KIAA0825: variants seen among roughly 807,000 people sequenced by gnomAD.
KIAA0825 encodes the protein uncharacterized protein KIAA0825.
A neutral mutation model predicts 147.6 loss-of-function variants in KIAA0825; 119 were observed. The observed-to-expected ratio is 0.81, with a 90% CI of 0.69 to 0.94. KIAA0825 has a LOEUF of 0.94. Ranked by LOEUF, KIAA0825 falls within the 40% of genes least tolerant of loss-of-function variation. The probability of loss-of-function intolerance (pLI) is 0.00; values close to 1 mark genes in which losing one functional copy is unlikely to be tolerated. For synonymous variants in KIAA0825, 470 were observed against 518.1 expected (o/e 0.91, Z 1.26); for missense variants, 1,381 against 1,472.7 (o/e 0.94, Z 1.02).
intron 2 of KIAA0825, among the ~76,000 whole-genome samples, chr5:94,574,543 C>CAAAACAAAA (rs1780615127): frequency 1.5e-5 from 1 of 65,530 alleles, no homozygotes; most frequent in Non-Finnish European, 2.6e-5. Flanking sequence ...GACTCCATCT[C>CAAAACAAAA]AAAAAAAAAA....
At chr5:94,430,386 ACTT>A (rs1755507222) in intron 14 of KIAA0825, among the ~76,000 whole-genome samples, 1 of 152,196 alleles carries the variant, frequency 6.6e-6, no homozygotes, top group Non-Finnish European at 1.5e-5. Flanking sequence ...GAAGAATATT[ACTT>A]CTTATTTCAA....
intron 20 of KIAA0825, among the ~76,000 whole-genome samples, chr5:94,188,245 A>G (rs970445924): frequency 1.3e-5 from 2 of 152,230 alleles, no homozygotes; most frequent in African/African-American, 4.8e-5. Context: ...TTAAGACAGT[A>G]CACCAGAAAA....
At chr5:94,597,147 T>A (rs1785454742) in intron 1 of KIAA0825, among the ~76,000 whole-genome samples, 1 of 152,196 alleles carries the variant, frequency 6.6e-6, no homozygotes, top group Admixed American at 6.5e-5. Context: ...GGCATCCTTT[T>A]CTTGTGCCAG....
At chr5:94,211,542 T>C (rs1353175935) in intron 20 of KIAA0825, among the ~76,000 whole-genome samples, 1 of 151,976 alleles carries the variant, frequency 6.6e-6, no homozygotes, top group Non-Finnish European at 1.5e-5. Context: ...CAAGGCCTTA[T>C]TTGCCCCCAT....
chr5:94,325,962 C>T (rs1780643813), intron 20 of KIAA0825, among the ~76,000 whole-genome samples: 1 of 151,618 alleles, frequency 6.6e-6, no homozygotes, highest in Non-Finnish European at 1.5e-5. Context: ...CAGAACATAA[C>T]AAAGGTAATA....
chr5:94,233,539 T>A (rs1323491571), intron 20 of KIAA0825, among the ~76,000 whole-genome samples: 5 of 152,194 alleles, frequency 3.3e-5, no homozygotes, highest in Admixed American at 2.6e-4. Context: ...GAAATACCTA[T>A]TTTTTTGAAA....
chr5:94,227,291 G>A (rs1354777518), intron 20 of KIAA0825, among the ~76,000 whole-genome samples: 19 of 151,480 alleles, frequency 1.3e-4, no homozygotes, highest in African/African-American at 2.7e-4. Context: ...GTAAACTATC[G>A]CAAGAACAAA....
intron 1 of KIAA0825, among the ~76,000 whole-genome samples, chr5:94,600,160 T>A (rs1321997130): frequency 4.6e-5 from 7 of 152,130 alleles, no homozygotes; most frequent in Admixed American, 4.6e-4. Flanking sequence ...AATCTGTAGA[T>A]TAATTTGGGG....
chr5:94,368,793 A>G (rs959871541), intron 20 of KIAA0825, among the ~76,000 whole-genome samples: 6 of 152,206 alleles, frequency 3.9e-5, no homozygotes, highest in African/African-American at 1.2e-4. Context: ...GAAATCACAC[A>G]ACTCTGAAGA....
chr5:94,591,706 G>A (rs982381225), intron 1 of KIAA0825, among the ~76,000 whole-genome samples: 1 of 152,142 alleles, frequency 6.6e-6, no homozygotes, highest in Non-Finnish European at 1.5e-5. Context: ...GACTGTATTA[G>A]TGCATTTTCA....
At chr5:94,340,924 G>C (rs2150327978) in intron 20 of KIAA0825, among the ~76,000 whole-genome samples, 1 of 152,290 alleles carries the variant, frequency 6.6e-6, no homozygotes, top group African/African-American at 2.4e-5. Context: ...AATTCAGTAG[G>C]AGAAAGAACA....
Position 94,332,016 on chromosome 5 carries a change from C to T in KIAA0825, c.3710+52352G>A, listed in dbSNP as rs184797960. Among the ~76,000 whole-genome samples, 35 of 151,592 alleles carry T rather than the reference C, an allele frequency of 2.3e-4. No individual in the cohort carries two copies. The South Asian group carries it at 4.0e-3, about 17-fold the overall frequency. On this transcript the variant is annotated intron_variant, in intron 20 of 20. Transcript: ENST00000682413. ...ATCTCTACTAAAAATACAAAAATTA[C>T]CCAGGCACAGGGGTGTGTGCCTATA...
Position 94,297,447 on chromosome 5 carries a change from C to A in KIAA0825, c.3710+86921G>T, listed in dbSNP as rs182978554. 6.1e-3 allele frequency among the ~76,000 whole-genome samples: 926 copies of A among 152,206 alleles called. 3 individuals carry two copies. Among genetic ancestry groups the A allele is most frequent in the Non-Finnish European group, 8.3e-3 (562 of 68,008 alleles). On this transcript the variant is annotated intron_variant, in intron 20 of 20. Transcript: ENST00000682413. ...TCCAAAAAATACACCAATATGATTA[C>A]AAAGTATTAATTATGTTTTTTCCTT...
chr5:94,244,518 T>A (rs1775506929), intron 20 of KIAA0825, among the ~76,000 whole-genome samples: 1 of 152,100 alleles, frequency 6.6e-6, no homozygotes, highest in Non-Finnish European at 1.5e-5. Context: ...AATTTTTTTC[T>A]TGGAGACAAG....
intron 20 of KIAA0825, among the ~76,000 whole-genome samples, chr5:94,253,241 G>A (rs1022362615): frequency 7.9e-5 from 12 of 151,994 alleles, no homozygotes; most frequent in Non-Finnish European, 4.4e-5. Context: ...GATTTTTATA[G>A]TGCAACCGTA....
intron 20 of KIAA0825, among the ~76,000 whole-genome samples, chr5:94,334,467 C>T (rs897427305): frequency 2.6e-5 from 4 of 151,970 alleles, no homozygotes; most frequent in Admixed American, 6.5e-5. Flanking sequence ...ATTTCACAAC[C>T]GACTTTTAAT....
intron 5 of KIAA0825, among the ~76,000 whole-genome samples, chr5:94,501,121 G>C (rs1199777240): frequency 6.6e-6 from 1 of 152,036 alleles, no homozygotes; most frequent in Admixed American, 6.6e-5. Context: ...ATTATATGAG[G>C]CACATTAAAG....
At chr5:94,424,838 A>T (rs80298167) in intron 14 of KIAA0825, among the ~76,000 whole-genome samples, 3 of 152,194 alleles carry the variant, frequency 2.0e-5, no homozygotes, top group African/African-American at 7.2e-5. Flanking sequence ...GATAAAAAAG[A>T]TCATCAGAGA....
chr5:94,600,212 A>G (rs1369340834), intron 1 of KIAA0825, among the ~76,000 whole-genome samples: 1 of 152,150 alleles, frequency 6.6e-6, no homozygotes, highest in Admixed American at 6.5e-5. Flanking sequence ...TCTATAATCA[A>G]AAGACAAAAA....
Sources: allele counts gnomAD v4.1 joint callset (sites outside exome capture counted in the v4.1 genomes callset), GRCh38; gene constraint gnomAD v4.1.1; transcripts MANE v1.5; gene names NCBI Gene and HGNC (gene_info 2026-07-23, HGNC 2026-07-21).